Variants in NDC1 observed in about 807,000 individuals in gnomAD.
The protein encoded by NDC1 is NDC1 transmembrane nucleoporin.
Under a neutral mutation model 89.8 loss-of-function variants are expected in NDC1, and 24 were observed. That is an observed-to-expected ratio of 0.27 (90% CI 0.19 to 0.38). The LOEUF is 0.38. NDC1 is among the 10% of genes least tolerant of loss of function. The probability of loss-of-function intolerance (pLI) is 1.00; values close to 1 mark genes in which losing one functional copy is unlikely to be tolerated. For synonymous variants in NDC1, 296 were observed against 284.8 expected (o/e 1.04, Z -0.39); for missense variants, 728 against 797.6 (o/e 0.91, Z 1.05).
chr1:53,780,531 A>G (rs1647197227), intron 16 of NDC1, among the ~76,000 whole-genome samples: 2 of 152,192 alleles, frequency 1.3e-5, no homozygotes, highest in Admixed American at 1.3e-4. Flanking sequence ...TGATAATTAA[A>G]TAGTTACTGG....
chr1:53,777,445 C>A (rs537578829), intron 16 of NDC1, among the ~76,000 whole-genome samples: 1 of 152,044 alleles, frequency 6.6e-6, no homozygotes, highest in East Asian at 1.9e-4. Context: ...AATAGAAATG[C>A]AAAAAATTAG....
intron 16 of NDC1, among the ~76,000 whole-genome samples, chr1:53,784,791 A>G (rs75486057): frequency 7.4e-6 from 1 of 135,266 alleles, no homozygotes; most frequent in African/African-American, 2.6e-5. Flanking sequence ...ACTCTGTCTC[A>G]AAAAAAAAAA....
chr1:53,794,761 G>A lies in NDC1; in HGVS notation c.1585-1482C>T, dbSNP rs139991340. ...ATGGTGGCAGGCACCTGTAGTCCCA[G>A]CTACTCAGGAGGCTGAGGTGGGAGG... On this transcript the variant is annotated intron_variant, in intron 13 of 17. Transcript: ENST00000371429. 1.5e-4 allele frequency among the ~76,000 whole-genome samples: 23 copies of A among 152,196 alleles called. No homozygotes were observed. In the East Asian group the frequency reaches 4.4e-3, roughly 29 times the overall value.
chr1:53,792,086 G>A (rs1314198052), intron 14 of NDC1, among the ~76,000 whole-genome samples: 1 of 151,960 alleles, frequency 6.6e-6, no homozygotes, highest in African/African-American at 2.4e-5. Context: ...GGGACCACAG[G>A]CGCCCACCAC....
At chr1:53,800,421 C>T (rs959916044) in intron 11 of NDC1, among the ~76,000 whole-genome samples, 3 of 149,308 alleles carry the variant, frequency 2.0e-5, no homozygotes, top group East Asian at 2.0e-4. Flanking sequence ...CTGCAAACTC[C>T]GCCTCCCTGG....
chr1:53,780,956 T>C (rs1024319586), intron 16 of NDC1, among the ~76,000 whole-genome samples: 4 of 151,834 alleles, frequency 2.6e-5, no homozygotes, highest in African/African-American at 9.7e-5. Context: ...TGAGCTTAAG[T>C]GATCCTTCAG....
chr1:53,772,809 T>C (rs1395334480), intron 16 of NDC1, among the ~76,000 whole-genome samples: 2 of 151,566 alleles, frequency 1.3e-5, no homozygotes, highest in Non-Finnish European at 2.9e-5. Context: ...GAATTAAGAT[T>C]TGAGATAGAT....
chr1:53,826,339 TTGCTACAAGAGA>T (rs1264636524), intron 4 of NDC1, among the ~76,000 whole-genome samples: 37 of 152,338 alleles, frequency 2.4e-4, no homozygotes, highest in African/African-American at 8.4e-4. Context: ...GCCCATAAAA[TTGCTACAAGAGA>T]TGCTACTGGA....
intron 9 of NDC1, among the ~76,000 whole-genome samples, chr1:53,805,032 T>C (rs1348258251): frequency 6.6e-6 from 1 of 152,196 alleles, no homozygotes; most frequent in Non-Finnish European, 1.5e-5. Flanking sequence ...AAATAAATAT[T>C]TGGTGAGTAA....
intron 16 of NDC1, among the ~76,000 whole-genome samples, chr1:53,780,661 G>A (rs551995443): frequency 1.3e-5 from 2 of 152,234 alleles, no homozygotes; most frequent in East Asian, 3.9e-4. Flanking sequence ...TCATTAGGAT[G>A]ACATTGGCCT....
chr1:53,785,519 A>G (rs1647280796), intron 16 of NDC1, among the ~76,000 whole-genome samples: 1 of 152,204 alleles, frequency 6.6e-6, no homozygotes, highest in South Asian at 2.1e-4. Context: ...ATTTTCTAAT[A>G]GGTAAAATGA....
At position 53,806,230 on chromosome 1, in the gene NDC1, G is replaced by A. The variant is rs142962494; in HGVS notation, c.984+195C>T. On this transcript the variant is annotated intron_variant, in intron 9 of 17. Transcript: ENST00000371429. ...CTAGCTTATACACATACACTGTACT[G>A]TGCACTTGCATTTTAGTCACTTGGA... 3.6e-3 allele frequency among the ~76,000 whole-genome samples: 551 copies of A among 152,254 alleles called. 1 individual carries two copies. The highest frequency in any genetic ancestry group is 0.013 in the South Asian group (63 of 4,826).
At chr1:53,798,426 C>T (rs1647798558) in intron 11 of NDC1, among the ~76,000 whole-genome samples, 1 of 151,732 alleles carries the variant, frequency 6.6e-6, no homozygotes. Context: ...CTCGGCCTCC[C>T]AAAATGCTGG....
chr1:53,766,569 C>T lies in NDC1; in HGVS notation c.*1401G>A, dbSNP rs1647067411. 3 of 152,190 alleles carry T rather than the reference C, an allele frequency of 2.0e-5. No individual in the cohort carries two copies. The South Asian group carries it at 6.2e-4, about 31-fold the overall frequency. The allele number at this position is 152,190 out of a possible 1,614,324, so 9.4% of individuals were successfully genotyped here. A position where few individuals can be genotyped will look rare whatever the true frequency, so the allele number is the denominator to read the frequency against. ...AAACACTTGACAATTGGGGAACTGT[C>T]CCACAGTGATATGCTCAAGGCCAGT... On this transcript the variant is annotated 3_prime_UTR_variant, in exon 18 of 18. Coordinates refer to ENST00000371429, the MANE Select transcript of NDC1 (RefSeq NM_018087.5).
chr1:53,779,693 G>C (rs1384039580), intron 16 of NDC1, among the ~76,000 whole-genome samples: 1 of 152,154 alleles, frequency 6.6e-6, no homozygotes, highest in Non-Finnish European at 1.5e-5. Flanking sequence ...TGAATAAGTT[G>C]TACTCACACA....
chr1:53,812,615 C>T lies in NDC1; in HGVS notation c.704-2869G>A, dbSNP rs190287353. Among the ~76,000 whole-genome samples, 825 of 152,244 alleles carry T rather than the reference C, an allele frequency of 5.4e-3. 7 individuals carry two copies. Among genetic ancestry groups the T allele is most frequent in the African/African-American group, 0.019 (779 of 41,544 alleles). On this transcript the variant is annotated intron_variant, in intron 6 of 17. Coordinates refer to ENST00000371429, the MANE Select transcript of NDC1 (RefSeq NM_018087.5). ...CCAAGAAGTCTGGGATTATGTTATA[C>T]GACCAAACTTAAGAATAATCGATGT...
At chr1:53,801,658 A>T (rs772657433) in intron 10 of NDC1, among the ~76,000 whole-genome samples, 1 of 152,168 alleles carries the variant, frequency 6.6e-6, no homozygotes, top group Non-Finnish European at 1.5e-5. Context: ...AATACCACTT[A>T]ACCTACAAAC....
chr1:53,772,303 T>C (rs1010126179), intron 17 of NDC1, 26 bp downstream of exon 17: 7 of 1,609,156 alleles, frequency 4.4e-6, no homozygotes, highest in Admixed American at 1.7e-5. Context: ...ATAGGTATCA[T>C]CATGGATCAA....
In NDC1 at chr1:53,766,853, A is replaced by T. The variant is rs1375797007; in HGVS notation, c.*1117T>A. On this transcript the variant is annotated 3_prime_UTR_variant, in exon 18 of 18. Coordinates refer to ENST00000371429, the MANE Select transcript of NDC1 (RefSeq NM_018087.5). ...AGTCCAGTGAATATCTATGACTAGG[A>T]TTTCCAATCTTTGATCTCCAAAGAA... The T allele has an allele frequency of 6.6e-6, 1 of 152,220 alleles. No individual in the cohort carries two copies. The highest frequency in any genetic ancestry group is 1.5e-5 in the Non-Finnish European group (1 of 68,036). 9.4% of individuals were successfully genotyped at this position (152,220 alleles called of 1,614,324 possible). A position where few individuals can be genotyped will look rare whatever the true frequency, so the allele number is the denominator to read the frequency against.
Sources: gnomAD v4.1 joint callset for allele counts (sites outside exome capture counted in the v4.1 genomes callset) on GRCh38, gnomAD v4.1.1 for gene constraint, MANE v1.5 for transcripts, NCBI Gene and HGNC (gene_info 2026-07-23, HGNC 2026-07-21) for gene names.